HIF3A: variants seen among roughly 807,000 people sequenced by gnomAD.
The protein encoded by HIF3A is hypoxia-inducible factor 3-alpha.
HIF3A carries 41 observed loss-of-function variants against 67.2 expected under a neutral mutation model. The ratio of observed to expected loss-of-function variants is 0.61; its 90% CI spans 0.48 to 0.79. The LOEUF is 0.79. HIF3A is among the 30% of genes least tolerant of loss of function. HIF3A has a pLI of 0.00. For synonymous variants in HIF3A, 356 were observed against 374.8 expected (o/e 0.95, Z 0.58); for missense variants, 855 against 898.0 (o/e 0.95, Z 0.61).
intron 1 of HIF3A, among the ~76,000 whole-genome samples, chr19:46,302,120 T>C (rs1022699800): frequency 1.4e-5 from 2 of 144,860 alleles, no homozygotes; most frequent in Non-Finnish European, 2.9e-5. Context: ...GTTTTTTGTC[T>C]TTTTTTTGTT....
chr19:46,309,330 G>T lies in HIF3A; in HGVS notation c.741G>T (p.Leu247=). 1.2e-6 allele frequency: 2 copies of T among 1,612,164 alleles called. No individual in the cohort carries two copies. The highest frequency in any genetic ancestry group is 1.7e-6 in the Non-Finnish European group (2 of 1,179,272). The part of the protein sequence containing the change: ...GRGAFLSRHS[L]DMKFTYCDDR... Reference sequence around the variant, plus strand: ...GGGCCTTCCTCAGCCGCCACAGCCTGGACATGAAGTTCACCTACTGTGACG... The same window carrying T: ...GGGCCTTCCTCAGCCGCCACAGCCTTGACATGAAGTTCACCTACTGTGACG... The change falls in exon 6 of 15, where the codon CTG becomes CTT. Residue 247 remains leucine (L), a synonymous_variant. Coordinates refer to ENST00000377670, the MANE Select transcript of HIF3A (RefSeq NM_152795.4).
chr19:46,307,784 A>G (rs2008030), intron 3 of HIF3A, among the ~76,000 whole-genome samples: 38,790 of 151,306 alleles, frequency 0.26, 5,258 homozygotes, highest in East Asian at 0.49. Flanking sequence ...AGCCAGGTGT[A>G]GTGGCATGTG....
At chr19:46,337,263 G>A (rs1427698706) in intron 14 of HIF3A, among the ~76,000 whole-genome samples, 1 of 151,794 alleles carries the variant, frequency 6.6e-6, no homozygotes, top group African/African-American at 2.4e-5. Context: ...TTGGGGTGTG[G>A]GGGGACAGGG....
chr19:46,308,447 A>G (rs1474480208), intron 4 of HIF3A, 142 bp downstream of exon 4: 9 of 666,266 alleles, frequency 1.4e-5, no homozygotes, highest in South Asian at 1.1e-4. Flanking sequence ...CCTGGGGTCT[A>G]TGGGGACAAA....
rs748798083 is a variant in HIF3A at position 46,329,493 on chromosome 19, A to AG, written c.1712+21dup. 1.3e-6 allele frequency: 2 copies of AG among 1,496,898 alleles called. No homozygotes were observed. The highest frequency in any genetic ancestry group is 1.8e-6 in the Non-Finnish European group (2 of 1,123,120). 92.7% of individuals were successfully genotyped at this position (1,496,898 alleles called of 1,614,324 possible). ...GCTCGGAAGAGGTGAGCCACAGTAAAGGGGGGACATCAAGGCAGCATCCCC... is the reference window on the plus strand; with the variant it reads ...GCTCGGAAGAGGTGAGCCACAGTAAAGGGGGGGACATCAAGGCAGCATCCCC... On this transcript the variant is annotated intron_variant, in intron 12 of 14. Coordinates refer to ENST00000377670, the MANE Select transcript of HIF3A (RefSeq NM_152795.4).
intron 8 of HIF3A, among the ~76,000 whole-genome samples, chr19:46,314,661 A>G (rs1174045346): frequency 6.8e-6 from 1 of 146,484 alleles, no homozygotes; most frequent in Non-Finnish European, 1.5e-5. Context: ...GGGTTCAAGC[A>G]ATTCTTCTGC....
intron 6 of HIF3A, 192 bp from the exon 7 acceptor site, chr19:46,311,969 G>A: frequency 1.3e-6 from 1 of 759,326 alleles, no homozygotes; most frequent in Non-Finnish European, 2.4e-6. Flanking sequence ...TTAGGATGTG[G>A]ACATCTTTGG....
At chr19:46,328,787 T>C (rs1490169752) in intron 11 of HIF3A, among the ~76,000 whole-genome samples, 1 of 152,126 alleles carries the variant, frequency 6.6e-6, no homozygotes, top group African/African-American at 2.4e-5. Flanking sequence ...GATGGTGTGA[T>C]CATGCTCACT....
intron 2 of HIF3A, among the ~76,000 whole-genome samples, chr19:46,304,788 T>C (rs1968685407): frequency 6.6e-6 from 1 of 151,956 alleles, no homozygotes; most frequent in Admixed American, 6.6e-5. Context: ...CCCTTAGAAG[T>C]CTGTTCCCTG....
At chr19:46,325,488 C>A in intron 10 of HIF3A, 47 bp from the exon 11 acceptor site, 1 of 1,371,732 alleles carries the variant, frequency 7.3e-7, no homozygotes, top group Non-Finnish European at 1.0e-6. Flanking sequence ...ATGTTGATAC[C>A]TCCCAGGCTC....
chr19:46,331,252 T>A lies in HIF3A; in HGVS notation c.1809T>A (p.Phe603Leu). 6.2e-7 allele frequency: 1 copy of A among 1,613,868 alleles called. No homozygotes were observed. ...KRSPSPEHENFLLFPLSLSFL... is the reference protein window; with the variant it reads ...KRSPSPEHENLLLFPLSLSFL... ...CCCCCAGCCCAGAACACGAAAACTT[T>A]CTGCTCTTTCCTCTCAGCCTGGTGT... The change falls in exon 13 of 15, where the codon TTT becomes TTA. Residue 603 changes from phenylalanine to leucine, a missense_variant. This residue lies in a region of HIF3A where 199 missense variants were observed against 193.8 expected (regional missense o/e 1.03). Transcript: ENST00000377670.
In HIF3A at chr19:46,341,960, A is replaced by C. The variant is rs1216535793; in HGVS notation, c.*2338A>C. ...TGCCCGACCCTGTCCTTATCTTATA[A>C]TAACCAGTTCTTCTAGAACCAGACG... On this transcript the variant is annotated 3_prime_UTR_variant, in exon 15 of 15. Coordinates refer to ENST00000377670, the MANE Select transcript of HIF3A (RefSeq NM_152795.4). The C allele has an allele frequency of 6.6e-6, 1 of 152,100 alleles. No individual in the cohort carries two copies. The highest frequency in any genetic ancestry group is 6.6e-5 in the Admixed American group (1 of 15,262). The allele number at this position is 152,100 out of a possible 1,614,324, so 9.4% of individuals were successfully genotyped here. A position where few individuals can be genotyped will look rare whatever the true frequency, so the allele number is the denominator to read the frequency against.
chr19:46,308,596 G>A, intron 4 of HIF3A, 67 bp from the exon 5 acceptor site: 1 of 934,466 alleles, frequency 1.1e-6, no homozygotes, highest in East Asian at 2.6e-5. Context: ...AGCAGCCAGG[G>A]TGCCGGAGGG....
Position 46,325,545 on chromosome 19 carries a change from C to A in HIF3A, c.1346C>A (p.Pro449Gln). ...HPQSPLSADL[P>Q]DELPVGTENV... ...TCCATCTCTCCACAGGCTGATCTCCCAGATGAACTACCTGTGGGCACCGAG... is the reference window on the plus strand; with the variant it reads ...TCCATCTCTCCACAGGCTGATCTCCAAGATGAACTACCTGTGGGCACCGAG... Residue 449 changes from proline (P) to glutamine (Q), a missense_variant, in exon 11 of 15, where the codon CCA becomes CAA. By Grantham distance (76) the Pro-to-Gln change is moderately conservative. Transcript: ENST00000377670. 1 of 1,612,384 alleles carries A rather than the reference C, an allele frequency of 6.2e-7. No homozygotes were observed. The highest frequency in any genetic ancestry group is 1.1e-5 in the South Asian group (1 of 91,046).
chr19:46,315,774 TGTGGTAG>T (rs1314564150), intron 8 of HIF3A, among the ~76,000 whole-genome samples: 1 of 151,704 alleles, frequency 6.6e-6, no homozygotes, highest in Non-Finnish European at 1.5e-5. Flanking sequence ...ATTAGCCAGG[TGTGGTAG>T]CACATGCTTG....
At chr19:46,309,429 G>A (rs1031531187) in intron 6 of HIF3A, 70 bp downstream of exon 6, 57 of 871,328 alleles carry the variant, frequency 6.5e-5, no homozygotes, top group African/African-American at 4.4e-4. Context: ...CCACACTCCC[G>A]CATTTCTCTC....
intron 13 of HIF3A, among the ~76,000 whole-genome samples, chr19:46,333,056 A>G (rs2147298192): frequency 6.6e-6 from 1 of 151,824 alleles, no homozygotes; most frequent in South Asian, 2.1e-4. Flanking sequence ...ATATATGTGT[A>G]TATACATATA....
intron 10 of HIF3A, among the ~76,000 whole-genome samples, chr19:46,325,157 C>G (rs1047260499): frequency 1.3e-5 from 2 of 151,320 alleles, no homozygotes; most frequent in African/African-American, 2.4e-5. Flanking sequence ...CCACCACACC[C>G]AGCTAATTTT....
chr19:46,323,797 C>A (rs1970563704), intron 10 of HIF3A, among the ~76,000 whole-genome samples: 1 of 152,066 alleles, frequency 6.6e-6, no homozygotes, highest in South Asian at 2.1e-4. Flanking sequence ...GAACGAAAAC[C>A]AAGCGAAAGG....
Sources: gnomAD v4.1 joint callset for allele counts (sites outside exome capture counted in the v4.1 genomes callset) on GRCh38, gnomAD v4.1.1 for gene constraint, gnomAD v4.1.1 regional missense constraint, MANE v1.5 for transcripts, NCBI Gene and HGNC (gene_info 2026-07-23, HGNC 2026-07-21) for gene names.